The following CHD6 variants were observed in gnomAD, a reference collection of about 807,000 sequenced individuals.
CHD6 encodes chromodomain helicase DNA binding protein 6.
CHD6 carries 50 observed loss-of-function variants against 276.9 expected under a neutral mutation model. The ratio of observed to expected loss-of-function variants is 0.18; its 90% CI spans 0.14 to 0.23. The LOEUF is 0.23. CHD6 is among the 10% of genes least tolerant of loss of function. The pLI is 1.00. For missense variants in CHD6, 2,564 were observed against 3,365.8 expected (o/e 0.76, Z 5.89); for synonymous variants, 1,173 against 1,229.3 (o/e 0.95, Z 0.96).
intron 28 of CHD6, 66 bp downstream of exon 28, chr20:41,426,027 A>G (rs188106736): frequency 8.6e-7 from 1 of 1,164,672 alleles, no homozygotes; most frequent in Admixed American, 1.7e-5. Context: ...AATTACATAT[A>G]AACTCCACGA....
intron 2 of CHD6, among the ~76,000 whole-genome samples, chr20:41,546,614 G>A (rs748888435): frequency 6.6e-6 from 1 of 152,150 alleles, no homozygotes; most frequent in Non-Finnish European, 1.5e-5. Flanking sequence ...GCTAACATTA[G>A]GATGTGCCCT....
chr20:41,439,187 C>T (rs1445706232), intron 26 of CHD6, among the ~76,000 whole-genome samples: 1 of 152,076 alleles, frequency 6.6e-6, no homozygotes, highest in Non-Finnish European at 1.5e-5. Context: ...GAAACCCCAT[C>T]TCTACTAAAA....
At chr20:41,425,781 C>A (rs1214843079) in intron 28 of CHD6, among the ~76,000 whole-genome samples, 1 of 151,296 alleles carries the variant, frequency 6.6e-6, no homozygotes, top group African/African-American at 2.4e-5. Context: ...CCCCCACAAC[C>A]TTTCTTTAAA....
chr20:41,527,881 G>T (rs2044582541), intron 3 of CHD6, among the ~76,000 whole-genome samples: 1 of 152,152 alleles, frequency 6.6e-6, no homozygotes, highest in Admixed American at 6.5e-5. Flanking sequence ...CACAGGAGTG[G>T]ATTCTCTTGA....
intron 1 of CHD6, among the ~76,000 whole-genome samples, chr20:41,589,153 G>A (rs112624123): frequency 0.01 from 1,529 of 152,228 alleles, 11 homozygotes; most frequent in Non-Finnish European, 0.019. Flanking sequence ...AAAGGTCTTC[G>A]ACAAAATTCA....
intron 16 of CHD6, among the ~76,000 whole-genome samples, chr20:41,479,280 G>T (rs1218145052): frequency 6.6e-6 from 1 of 152,100 alleles, no homozygotes; most frequent in African/African-American, 2.4e-5. Flanking sequence ...AAGAAATAAT[G>T]ATCAAAAGCT....
At chr20:41,596,908 G>A (rs957694996) in intron 1 of CHD6, among the ~76,000 whole-genome samples, 4 of 152,238 alleles carry the variant, frequency 2.6e-5, no homozygotes, top group Non-Finnish European at 5.9e-5. Flanking sequence ...GGCCCAAAAA[G>A]TATATGTAAG....
intron 3 of CHD6, among the ~76,000 whole-genome samples, chr20:41,529,833 CA>C (rs2044637375): frequency 1.3e-5 from 2 of 152,106 alleles, no homozygotes; most frequent in Non-Finnish European, 2.9e-5. Context: ...CAGGAGCAAT[CA>C]GGGGGCAACA....
intron 1 of CHD6, among the ~76,000 whole-genome samples, chr20:41,555,208 G>T (rs1215741973): frequency 2.3e-5 from 3 of 129,696 alleles, no homozygotes; most frequent in African/African-American, 3.1e-5. Flanking sequence ...CTCACCTCCC[G>T]GATGGGGCGG....
chr20:41,444,187 C>T (rs2047991552), intron 25 of CHD6, among the ~76,000 whole-genome samples: 1 of 152,152 alleles, frequency 6.6e-6, no homozygotes, highest in Non-Finnish European at 1.5e-5. Context: ...TAAACCAAGT[C>T]TGGGTTGCAC....
At chr20:41,408,316 C>T (rs1451616565) in intron 36 of CHD6, among the ~76,000 whole-genome samples, 4 of 152,144 alleles carry the variant, frequency 2.6e-5, no homozygotes. Context: ...TTCCACAGCA[C>T]ACCACACCCT....
At chr20:41,427,033 G>A (rs545591216) in intron 27 of CHD6, among the ~76,000 whole-genome samples, 17 of 152,096 alleles carry the variant, frequency 1.1e-4, no homozygotes, top group South Asian at 2.1e-4. Flanking sequence ...AGCAAACTGC[G>A]GCCTGCAGAC....
At chr20:41,575,935 C>G (rs1441929283) in intron 1 of CHD6, among the ~76,000 whole-genome samples, 1 of 152,040 alleles carries the variant, frequency 6.6e-6, no homozygotes, top group Non-Finnish European at 1.5e-5. Flanking sequence ...TTCCCTAAAA[C>G]TACATACCAT....
At chr20:41,568,679 GT>G (rs902331822) in intron 1 of CHD6, among the ~76,000 whole-genome samples, 1 of 152,074 alleles carries the variant, frequency 6.6e-6, no homozygotes. Context: ...TTTCCAAAGT[GT>G]TTTTTTCCCT....
rs540491327 is a variant in CHD6 at position 41,431,184 on chromosome 20, C to T, written c.4069-5031G>A. Reference sequence around the variant, plus strand: ...GAGAACCTAACTTCCTTCATGTTACCGGGGTCTGAGGCTTCATGCTGATTT... The same window carrying T: ...GAGAACCTAACTTCCTTCATGTTACTGGGGTCTGAGGCTTCATGCTGATTT... On this transcript the variant is annotated intron_variant, in intron 27 of 36. Transcript: ENST00000373233. Among the ~76,000 whole-genome samples, 202 of 152,188 alleles carry T rather than the reference C, an allele frequency of 1.3e-3. 1 individual carries two copies. Among genetic ancestry groups the T allele is most frequent in the South Asian group, 6.4e-3 (31 of 4,820 alleles).
At chr20:41,503,602 T>C (rs1203944136) in intron 5 of CHD6, among the ~76,000 whole-genome samples, 2 of 152,222 alleles carry the variant, frequency 1.3e-5, no homozygotes, top group Non-Finnish European at 2.9e-5. Context: ...TCTTTGTTTA[T>C]ATAGTTTAAG....
intron 4 of CHD6, 40 bp from the exon 5 acceptor site, chr20:41,513,035 G>C (rs749678573): frequency 5.0e-6 from 8 of 1,611,272 alleles, no homozygotes; most frequent in African/African-American, 2.7e-5. Flanking sequence ...CTCTCTGAGT[G>C]AAAGACAACA....
chr20:41,548,693 C>A (rs2045091418), intron 2 of CHD6, among the ~76,000 whole-genome samples: 1 of 152,114 alleles, frequency 6.6e-6, no homozygotes, highest in South Asian at 2.1e-4. Flanking sequence ...AAACTACCAT[C>A]ACAGTGAACA....
At chr20:41,536,331 A>G (rs182900430) in intron 2 of CHD6, among the ~76,000 whole-genome samples, 2 of 152,352 alleles carry the variant, frequency 1.3e-5, no homozygotes, top group Admixed American at 1.3e-4. Context: ...GCTAGCTCAT[A>G]AACTGCACTG....
Sources: gnomAD v4.1 joint callset for allele counts (sites outside exome capture counted in the v4.1 genomes callset) on GRCh38, gnomAD v4.1.1 for gene constraint, MANE v1.5 for transcripts, NCBI Gene and HGNC (gene_info 2026-07-23, HGNC 2026-07-21) for gene names.